FMNL2: variants seen among roughly 807,000 people sequenced by gnomAD.
FMNL2 encodes the protein formin like 2.
Under a neutral mutation model 130.2 loss-of-function variants are expected in FMNL2, and 51 were observed. That is an observed-to-expected ratio of 0.39 (90% CI 0.31 to 0.49). The LOEUF (loss-of-function observed/expected upper bound fraction) is 0.49. FMNL2 is among the 20% of genes least tolerant of loss of function. The probability of loss-of-function intolerance (pLI) is 0.85; values close to 1 mark genes in which losing one functional copy is unlikely to be tolerated. For missense variants in FMNL2, 977 were observed against 1,316.2 expected (o/e 0.74, Z 3.99); for synonymous variants, 465 against 467.1 (o/e 1.00, Z 0.06).
chr2:152,427,399 T>C (rs935882315), intron 1 of FMNL2, among the ~76,000 whole-genome samples: 2 of 152,022 alleles, frequency 1.3e-5, no homozygotes, highest in African/African-American at 4.8e-5. Context: ...ATAAAAAAAT[T>C]AGCCAGGCAT....
chr2:152,405,499 A>G (rs1579586955), intron 1 of FMNL2, among the ~76,000 whole-genome samples: 3 of 152,362 alleles, frequency 2.0e-5, no homozygotes, highest in South Asian at 4.1e-4. Flanking sequence ...CATAGCTTCA[A>G]CACAGTTTTC....
intron 1 of FMNL2, chr2:152,390,267 G>A: frequency 7.0e-7 from 1 of 1,426,476 alleles, no homozygotes; most frequent in East Asian, 2.3e-5. Context: ...CCTCCGGGTG[G>A]GGCTCAAGGG....
intron 1 of FMNL2, among the ~76,000 whole-genome samples, chr2:152,497,649 T>TC: frequency 6.6e-6 from 1 of 152,352 alleles, no homozygotes; most frequent in South Asian, 2.1e-4. Context: ...ATGCATACTG[T>TC]ATTTTCTTAT....
At chr2:152,614,084 GC>G (rs1304533672) in intron 11 of FMNL2, among the ~76,000 whole-genome samples, 2 of 152,128 alleles carry the variant, frequency 1.3e-5, no homozygotes. Context: ...GTCAGTGTCT[GC>G]CCCACCTCTC....
intron 1 of FMNL2, among the ~76,000 whole-genome samples, chr2:152,426,554 G>A (rs1687213204): frequency 6.6e-6 from 1 of 152,224 alleles, no homozygotes; most frequent in Admixed American, 6.5e-5. Flanking sequence ...CAGACTTGAT[G>A]TGAAATGCTT....
chr2:152,546,403 C>T (rs2577175), intron 3 of FMNL2, among the ~76,000 whole-genome samples: 26,169 of 151,872 alleles, frequency 0.17, 2,456 homozygotes, highest in Admixed American at 0.29. Flanking sequence ...ACCAGCCTCT[C>T]TTAAACAGCC....
chr2:152,403,200 C>T (rs1398825933), intron 1 of FMNL2, among the ~76,000 whole-genome samples: 1 of 150,554 alleles, frequency 6.6e-6, no homozygotes, highest in African/African-American at 2.5e-5. Flanking sequence ...GTAGCGTTTG[C>T]CAAGTTTCTG....
intron 9 of FMNL2, among the ~76,000 whole-genome samples, chr2:152,599,405 CTTTTTTTTTTTTTTTTTT>C (rs35753197): frequency 4.4e-5 from 2 of 45,086 alleles, no homozygotes; most frequent in African/African-American, 1.5e-4. Flanking sequence ...TGAAGGTCAT[CTTTTTTTTTTTTTTTTTT>C]TTTTTTTTTT....
At chr2:152,645,497 G>A (rs1410651978) in intron 25 of FMNL2, 4 of 1,290,136 alleles carry the variant, frequency 3.1e-6, no homozygotes, top group Middle Eastern at 2.1e-4. Context: ...ATTTCTTCTA[G>A]CACACCGGTG....
intron 1 of FMNL2, among the ~76,000 whole-genome samples, chr2:152,447,075 T>C (rs1409964400): frequency 6.6e-6 from 1 of 152,140 alleles, no homozygotes; most frequent in East Asian, 1.9e-4. Flanking sequence ...TTTGTCAATC[T>C]TCTAAAGGTT....
intron 1 of FMNL2, among the ~76,000 whole-genome samples, chr2:152,456,668 G>T (rs888485450): frequency 1.3e-5 from 2 of 152,156 alleles, no homozygotes; most frequent in Non-Finnish European, 2.9e-5. Context: ...TTGGGGCCGG[G>T]CGCGGTAGCT....
At chr2:152,365,455 G>A (rs1683464544) in intron 1 of FMNL2, among the ~76,000 whole-genome samples, 1 of 152,278 alleles carries the variant, frequency 6.6e-6, no homozygotes, top group Admixed American at 6.5e-5. Context: ...GGCTTAGAGT[G>A]GACAAAGACA....
chr2:152,439,308 C>G lies in FMNL2; in HGVS notation c.118-82635C>G, dbSNP rs1373344877. Among the ~76,000 whole-genome samples the G allele has an allele frequency of 2.6e-5, 4 of 152,062 alleles. No individual in the cohort carries two copies. In the East Asian group the frequency reaches 7.7e-4, roughly 29 times the overall value. On this transcript the variant is annotated intron_variant, in intron 1 of 25. Transcript: ENST00000288670. ...ACTGCTAGTTTTATTGAAAATTTAT[C>G]AAACTTAACCTTTGAAAATAAGACA...
At chr2:152,443,975 T>C (rs1688206365) in intron 1 of FMNL2, among the ~76,000 whole-genome samples, 1 of 152,174 alleles carries the variant, frequency 6.6e-6, no homozygotes, top group Non-Finnish European at 1.5e-5. Flanking sequence ...ATTCACACAG[T>C]GCTGACTCAG....
At chr2:152,599,405 CTTTTTTTTTTTT>C (rs35753197) in intron 9 of FMNL2, among the ~76,000 whole-genome samples, 1,776 of 45,160 alleles carry the variant, frequency 0.039, 45 homozygotes, top group Non-Finnish European at 0.059. Flanking sequence ...TGAAGGTCAT[CTTTTTTTTTTTT>C]TTTTTTTTTT....
At chr2:152,561,796 T>A (rs779298033) in intron 6 of FMNL2, among the ~76,000 whole-genome samples, 13 of 152,170 alleles carry the variant, frequency 8.5e-5, no homozygotes, top group Non-Finnish European at 1.8e-4. Flanking sequence ...CAGGCTGGTC[T>A]CGAACTCCTG....
At chr2:152,622,772 C>G (rs920062306) in intron 15 of FMNL2, among the ~76,000 whole-genome samples, 2 of 150,822 alleles carry the variant, frequency 1.3e-5, no homozygotes, top group Non-Finnish European at 2.9e-5. Flanking sequence ...AAGCAGACAT[C>G]CTGGATTCAT....
intron 6 of FMNL2, among the ~76,000 whole-genome samples, chr2:152,561,423 CT>C (rs1490300999): frequency 6.6e-6 from 1 of 152,068 alleles, no homozygotes; most frequent in Non-Finnish European, 1.5e-5. Flanking sequence ...ACCCTTTGTC[CT>C]TCCGCTCTCT....
chr2:152,607,006 G>GTTTTTTTTTTTTTTTTTTTT (rs58237890), intron 9 of FMNL2, among the ~76,000 whole-genome samples: 17 of 84,860 alleles, frequency 2.0e-4, no homozygotes, highest in East Asian at 1.2e-3. Context: ...TTTTTTTTTT[G>GTTTTTTTTTTTTTTTTTTTT]TTTTTTTTTT....
Sources: allele counts gnomAD v4.1 joint callset (sites outside exome capture counted in the v4.1 genomes callset), GRCh38; gene constraint gnomAD v4.1.1; transcripts MANE v1.5; gene names NCBI Gene and HGNC (gene_info 2026-07-23, HGNC 2026-07-21).